PDPN: variants seen among roughly 807,000 people sequenced by gnomAD.
The protein encoded by PDPN is podoplanin, also known as PA2.26 antigen.
A neutral mutation model predicts 23.2 loss-of-function variants in PDPN; 12 were observed. The ratio of observed to expected loss-of-function variants is 0.52; its 90% confidence interval spans 0.33 to 0.84. PDPN has a LOEUF of 0.84. Ranked by LOEUF, PDPN falls within the 40% of genes least tolerant of loss-of-function variation. The pLI is 0.02. For synonymous variants in PDPN, 77 were observed against 76.7 expected (o/e 1.00, Z -0.02); for missense variants, 199 against 212.2 (o/e 0.94, Z 0.39).
chr1:13,617,150 T>A lies in PDPN; in HGVS notation c.*1239T>A, dbSNP rs1462468248. 3 of 113,390 alleles carry A rather than the reference T, an allele frequency of 2.6e-5. No individual in the cohort carries two copies. The highest frequency in any genetic ancestry group is 2.3e-4 in the Admixed American group (2 of 8,884). The allele number at this position is 113,390 out of a possible 1,614,324, so 7.0% of individuals were successfully genotyped here. A position where few individuals can be genotyped will look rare whatever the true frequency, so the allele number is the denominator to read the frequency against. On this transcript the variant is annotated 3_prime_UTR_variant, in exon 6 of 6. Transcript: ENST00000621990. ...AGCCTGGCACTTCTCTTCCCATATA[T>A]CCATTGGATTTTTTTTTTTTTTTCC...
rs34988689 is a variant in PDPN at position 13,615,947 on chromosome 1, TA to T, written c.*43del. The stretch of plus-strand genomic sequence containing the variant: ...GGTTACGCCCTGCTGCCAACGTGCT[TA>T]AAAAAAGACCGTTTCTGACTCTGTG... On this transcript the variant is annotated 3_prime_UTR_variant, in exon 6 of 6. Coordinates refer to ENST00000621990, the MANE Select transcript of PDPN (RefSeq NM_006474.5). 7 of 1,604,598 alleles carry T rather than the reference TA, an allele frequency of 4.4e-6. No homozygotes were observed. Among genetic ancestry groups the T allele is most frequent in the Non-Finnish European group, 6.0e-6 (7 of 1,171,566 alleles).
chr1:13,585,631 A>G, intron 1 of PDPN: 1 of 1,351,986 alleles, frequency 7.4e-7, no homozygotes, highest in African/African-American at 1.5e-5. Context: ...CGGCTCCTGA[A>G]TGTCAAAGGT....
At chr1:13,589,065 C>T (rs1272827) in intron 1 of PDPN, among the ~76,000 whole-genome samples, 15,192 of 145,354 alleles carry the variant, frequency 0.1, 1,164 homozygotes, top group East Asian at 0.45. Flanking sequence ...AGGCAAACCC[C>T]ATCCCTGCTT....
chr1:13,612,165 G>C (rs1035332920), intron 3 of PDPN, among the ~76,000 whole-genome samples: 2 of 151,972 alleles, frequency 1.3e-5, no homozygotes, highest in Admixed American at 6.6e-5. Flanking sequence ...TTAATACATC[G>C]TTATTCCAAG....
At chr1:13,606,686 A>G (rs1045122399) in intron 1 of PDPN, among the ~76,000 whole-genome samples, 2 of 152,062 alleles carry the variant, frequency 1.3e-5, no homozygotes. Context: ...AATTAATTTG[A>G]AAAGGTAGAG....
At position 13,616,452 on chromosome 1, in the gene PDPN, A is replaced by G. The variant is rs568242177; in HGVS notation, c.*541A>G. On this transcript the variant is annotated 3_prime_UTR_variant, in exon 6 of 6. Transcript: ENST00000621990. ...TCTGGTGTGAATAATCAACTAGGAA[A>G]TCTAAACTTGGATAACACGTGGTGA... The G allele has an allele frequency of 6.5e-6, 1 of 154,918 alleles. No homozygotes were observed. The highest frequency in any genetic ancestry group is 1.9e-4 in the East Asian group (1 of 5,212). 9.6% of individuals were successfully genotyped at this position (154,918 alleles called of 1,614,324 possible).
chr1:13,610,574 C>A lies in PDPN; in HGVS notation c.331+58C>A, dbSNP rs137943011. On this transcript the variant is annotated intron_variant, in intron 3 of 5. Transcript: ENST00000621990. ...TCTACTTTTGCATAATTGGTGCATT[C>A]CAAAGTCCATCAACAAATAGAATAA... The A allele has an allele frequency of 1.6e-3, 2,529 of 1,559,828 alleles. 7 individuals are homozygous for A. The highest frequency in any genetic ancestry group is 1.9e-3 in the Admixed American group (105 of 55,224).
intron 1 of PDPN, among the ~76,000 whole-genome samples, chr1:13,600,851 G>A (rs1040789581): frequency 2.0e-5 from 3 of 152,048 alleles, no homozygotes; most frequent in African/African-American, 7.2e-5. Flanking sequence ...GGGATCAGTG[G>A]GTGGAAAATT....
At chr1:13,606,267 G>A (rs1293644617) in intron 1 of PDPN, among the ~76,000 whole-genome samples, 1 of 152,156 alleles carries the variant, frequency 6.6e-6, no homozygotes, top group Non-Finnish European at 1.5e-5. Context: ...GCCTCTCAAA[G>A]TGTTGGGATT....
intron 1 of PDPN, chr1:13,585,712 GTGGTA>G: frequency 8.4e-7 from 1 of 1,197,444 alleles, no homozygotes; most frequent in African/African-American, 1.5e-5. Context: ...AAAGAAAGAA[GTGGTA>G]TGCGGGGCTG....
intron 1 of PDPN, chr1:13,595,730 G>T (rs755267658): frequency 4.0e-6 from 2 of 504,710 alleles, no homozygotes; most frequent in Non-Finnish European, 7.3e-6. Flanking sequence ...CAGTGAATGG[G>T]CATGGCGCTG....
intron 1 of PDPN, among the ~76,000 whole-genome samples, chr1:13,584,774 CG>C (rs1640132921): frequency 6.6e-6 from 1 of 152,098 alleles, no homozygotes; most frequent in Admixed American, 6.5e-5. Flanking sequence ...GTTTGAGCCA[CG>C]TGTTCATCTT....
In PDPN at chr1:13,595,871, G is replaced by A. The variant is rs749288616; in HGVS notation, c.68-11302G>A. ...CGGGGGTGAAGCCTGGTGGACAGCG[G>A]CAGGGACATCATAAATACAGAAGAT... On this transcript the variant is annotated intron_variant, in intron 1 of 5. Transcript: ENST00000621990. The A allele has an allele frequency of 1.3e-4, 164 of 1,288,384 alleles. 1 individual carries two copies. Among genetic ancestry groups the A allele is most frequent in the Middle Eastern group, 6.6e-4 (3 of 4,548 alleles). 79.8% of individuals were successfully genotyped at this position (1,288,384 alleles called of 1,614,324 possible).
Position 13,583,935 on chromosome 1 carries a change from T to A in PDPN, c.-99T>A, listed in dbSNP as rs1640106696. On this transcript the variant is annotated 5_prime_UTR_variant, in exon 1 of 6. Transcript: ENST00000621990. The stretch of plus-strand genomic sequence containing the variant: ...CCCTCCGGCCCCCCCACCGTCGCGC[T>A]CCTCCAGGCTGGGCCTGTGGCCGCG... 1 of 1,613,390 alleles carries A rather than the reference T, an allele frequency of 6.2e-7. No homozygotes were observed. Among genetic ancestry groups the A allele is most frequent in the Non-Finnish European group, 8.5e-7 (1 of 1,179,852 alleles).
chr1:13,600,371 C>CTT (rs34705737), intron 1 of PDPN, among the ~76,000 whole-genome samples: 1,755 of 146,044 alleles, frequency 0.012, 37 homozygotes, highest in African/African-American at 0.04. Flanking sequence ...TCACTTAACT[C>CTT]TTTTTTTTTT....
chr1:13,605,058 C>A (rs1191996048), intron 1 of PDPN, among the ~76,000 whole-genome samples: 2 of 152,214 alleles, frequency 1.3e-5, no homozygotes. Context: ...AATAAAAGAG[C>A]AGGCTCATAG....
chr1:13,584,357 G>C, intron 1 of PDPN: 1 of 1,444,702 alleles, frequency 6.9e-7, no homozygotes, highest in Non-Finnish European at 9.1e-7. Context: ...CAGCACAGGG[G>C]GCCTCCCTCC....
chr1:13,606,561 T>G (rs985193955), intron 1 of PDPN, among the ~76,000 whole-genome samples: 4 of 152,176 alleles, frequency 2.6e-5, no homozygotes, highest in Non-Finnish European at 5.9e-5. Context: ...CCCGCTACTT[T>G]GGAGACTGAG....
rs550196253 is a variant in PDPN at position 13,615,788 on chromosome 1, AC to A, written c.483-115del. 169 of 934,318 alleles carry A rather than the reference AC, an allele frequency of 1.8e-4. No individual in the cohort carries two copies. The African/African-American group carries it at 2.7e-3, about 15-fold the overall frequency. The allele number at this position is 934,318 out of a possible 1,614,324, so 57.9% of individuals were successfully genotyped here. A position where few individuals can be genotyped will look rare whatever the true frequency, so the allele number is the denominator to read the frequency against. ...GGAATGTCAGGAACAAGAGATGATC[AC>A]CAGGTGTCAGAACTTGGAAGATTTA... On this transcript the variant is annotated intron_variant, in intron 5 of 5. Coordinates refer to ENST00000621990, the MANE Select transcript of PDPN (RefSeq NM_006474.5).
Sources: gnomAD v4.1 joint callset for allele counts (sites outside exome capture counted in the v4.1 genomes callset) on GRCh38, gnomAD v4.1.1 for gene constraint, MANE v1.5 for transcripts, NCBI Gene and HGNC (gene_info 2026-07-23, HGNC 2026-07-21) for gene names.